Variants in ADAM18 observed in about 807,000 individuals in gnomAD.
ADAM18 encodes the protein disintegrin and metalloproteinase domain-containing protein 18.
Under a neutral mutation model 94.4 loss-of-function variants are expected in ADAM18, and 117 were observed. The observed-to-expected ratio is 1.24, with a 90% CI of 1.07 to 1.45. The LOEUF is 1.45. ADAM18 is among the 40% of genes most tolerant of loss of function. The pLI is 0.00. For missense variants in ADAM18, 936 were observed against 880.0 expected (o/e 1.06, Z -0.81); for synonymous variants, 327 against 291.6 (o/e 1.12, Z -1.24).
chr8:39,646,056 T>C (rs559524470), intron 11 of ADAM18, among the ~76,000 whole-genome samples: 1 of 152,306 alleles, frequency 6.6e-6, no homozygotes, highest in South Asian at 2.1e-4. Flanking sequence ...CCACAACAAA[T>C]GGCTGTTAAA....
intron 16 of ADAM18, among the ~76,000 whole-genome samples, chr8:39,681,133 G>C (rs1240977954): frequency 6.6e-6 from 1 of 152,202 alleles, no homozygotes; most frequent in Non-Finnish European, 1.5e-5. Flanking sequence ...AGAGGCTAGA[G>C]ACAAGAAAGA....
At chr8:39,635,298 A>G (rs1820047098) in intron 7 of ADAM18, among the ~76,000 whole-genome samples, 1 of 152,170 alleles carries the variant, frequency 6.6e-6, no homozygotes, top group Non-Finnish European at 1.5e-5. Context: ...TAAATTATCA[A>G]ATTTCTTAGA....
intron 17 of ADAM18, 52 bp downstream of exon 17, chr8:39,692,732 T>C: frequency 7.0e-7 from 1 of 1,433,400 alleles, no homozygotes; most frequent in Non-Finnish European, 9.7e-7. Flanking sequence ...GTAATTCAAA[T>C]AAACATCTGT....
At chr8:39,617,809 A>G (rs1167555187) in intron 6 of ADAM18, among the ~76,000 whole-genome samples, 2 of 150,576 alleles carry the variant, frequency 1.3e-5, no homozygotes, top group Admixed American at 1.3e-4. Flanking sequence ...GACACAAAGA[A>G]GGGAACAATA....
chr8:39,657,643 C>CT (rs1820724984), intron 12 of ADAM18, among the ~76,000 whole-genome samples: 1 of 152,108 alleles, frequency 6.6e-6, no homozygotes, highest in Non-Finnish European at 1.5e-5. Flanking sequence ...TTAAAGGGAA[C>CT]ATCTCAAGAC....
At position 39,730,024 on chromosome 8, in the gene ADAM18, A is replaced by G. The variant is rs1823028985; in HGVS notation, c.*84A>G. 8 of 1,404,716 alleles carry G rather than the reference A, an allele frequency of 5.7e-6. No homozygotes were observed. In the East Asian group the frequency reaches 1.8e-4, roughly 32 times the overall value. The allele number at this position is 1,404,716 out of a possible 1,614,324, so 87.0% of individuals were successfully genotyped here. ...CCTTACGTTATCCCCAATGCATTGT[A>G]AATGTCAAACTTTTGGAAAATAAAG... On this transcript the variant is annotated 3_prime_UTR_variant, in exon 20 of 20. Transcript: ENST00000265707.
intron 6 of ADAM18, among the ~76,000 whole-genome samples, chr8:39,627,631 A>G: frequency 6.6e-6 from 1 of 152,072 alleles, no homozygotes; most frequent in Non-Finnish European, 1.5e-5. Context: ...TCTCTAGAAG[A>G]CAGCAGATGT....
chr8:39,667,747 T>G (rs1193998747), intron 13 of ADAM18, among the ~76,000 whole-genome samples: 1 of 152,140 alleles, frequency 6.6e-6, no homozygotes, highest in East Asian at 1.9e-4. Flanking sequence ...TTTCAAAATG[T>G]AGAGCACAAA....
chr8:39,586,535 T>C (rs10099220), intron 2 of ADAM18, among the ~76,000 whole-genome samples: 138,538 of 152,172 alleles, frequency 0.91, 63,247 homozygotes, highest in Middle Eastern at 0.98. Context: ...AGTTTGAGGC[T>C]GGCTTGGGCA....
At chr8:39,666,742 A>C (rs917266687) in intron 13 of ADAM18, among the ~76,000 whole-genome samples, 1 of 152,182 alleles carries the variant, frequency 6.6e-6, no homozygotes, top group Non-Finnish European at 1.5e-5. Context: ...TGAGAATAGC[A>C]CAGGAAAGAC....
chr8:39,698,781 C>T (rs1258033770), intron 17 of ADAM18, among the ~76,000 whole-genome samples: 1 of 151,992 alleles, frequency 6.6e-6, no homozygotes, highest in Non-Finnish European at 1.5e-5. Flanking sequence ...TATGTAAATA[C>T]AAGTTCATAG....
intron 7 of ADAM18, among the ~76,000 whole-genome samples, chr8:39,634,385 C>A (rs535421138): frequency 6.6e-6 from 1 of 152,284 alleles, no homozygotes; most frequent in South Asian, 2.1e-4. Context: ...CACCCCAGAA[C>A]TATAGAGCCA....
intron 2 of ADAM18, among the ~76,000 whole-genome samples, chr8:39,600,819 T>A (rs976089432): frequency 6.6e-6 from 1 of 152,210 alleles, no homozygotes; most frequent in Non-Finnish European, 1.5e-5. Flanking sequence ...GGGTTTTGAA[T>A]GTGTCTGAAG....
At chr8:39,717,376 C>A (rs1263423263) in intron 18 of ADAM18, among the ~76,000 whole-genome samples, 1 of 151,798 alleles carries the variant, frequency 6.6e-6, no homozygotes, top group Admixed American at 6.6e-5. Flanking sequence ...ACCATTACAG[C>A]AACACTGTAT....
intron 12 of ADAM18, among the ~76,000 whole-genome samples, chr8:39,662,700 C>T (rs796344955): frequency 3.9e-5 from 6 of 152,340 alleles, no homozygotes; most frequent in African/African-American, 1.4e-4. Context: ...CCTTGGCTCA[C>T]TGCAACCTCT....
chr8:39,604,823 A>G (rs1289206573), intron 2 of ADAM18: 1 of 151,808 alleles, frequency 6.6e-6, no homozygotes, highest in Non-Finnish European at 1.5e-5. Context: ...AATACAACAC[A>G]CTTTATGGTT....
chr8:39,620,073 T>A (rs1819562689), intron 6 of ADAM18, among the ~76,000 whole-genome samples: 2 of 152,034 alleles, frequency 1.3e-5, no homozygotes, highest in Admixed American at 1.3e-4. Flanking sequence ...ACAGCCATCC[T>A]TTTTTATTTT....
chr8:39,677,297 A>G (rs1821325637), intron 14 of ADAM18, 134 bp from the exon 15 acceptor site: 1 of 617,610 alleles, frequency 1.6e-6, no homozygotes, highest in Non-Finnish European at 2.8e-6. Context: ...TTGCATTGAC[A>G]GGGTATGCAT....
intron 19 of ADAM18, among the ~76,000 whole-genome samples, chr8:39,725,077 T>C (rs1209278401): frequency 1.3e-5 from 2 of 152,072 alleles, no homozygotes; most frequent in African/African-American, 4.8e-5. Flanking sequence ...GGGAGTTCTA[T>C]AGAATACAGG....
Sources: gnomAD v4.1 joint callset for allele counts (sites outside exome capture counted in the v4.1 genomes callset) on GRCh38, gnomAD v4.1.1 for gene constraint, MANE v1.5 for transcripts, NCBI Gene and HGNC (gene_info 2026-07-23, HGNC 2026-07-21) for gene names.